The following MTRF1 variants were observed in gnomAD, a reference collection of about 807,000 sequenced individuals.
MTRF1 encodes mitochondrial translation release factor 1.
Under a neutral mutation model 62.9 loss-of-function variants are expected in MTRF1, and 51 were observed. That is an observed-to-expected ratio of 0.81 (90% CI 0.65 to 1.02). The LOEUF is 1.02. Among genes scored for constraint, MTRF1 ranks in the 50% least tolerant of loss-of-function variants. The pLI is 0.00. For missense variants in MTRF1, 446 were observed against 530.0 expected (o/e 0.84, Z 1.56); for synonymous variants, 158 against 181.9 (o/e 0.87, Z 1.06).
chr13:41,308,706 C>A, the MTRF1 span, among the ~76,000 whole-genome samples: 2 of 152,174 alleles, frequency 1.3e-5, no homozygotes, highest in Non-Finnish European at 2.9e-5. Flanking sequence ...CTTGAACCCC[C>A]ACTTTTATTT....
At chr13:41,238,595 A>C (rs371182197) in intron 6 of MTRF1, among the ~76,000 whole-genome samples, 1 of 152,224 alleles carries the variant, frequency 6.6e-6, no homozygotes, top group East Asian at 1.9e-4. Flanking sequence ...AAAGTAAAGA[A>C]CTGATTCAGG....
the MTRF1 span, among the ~76,000 whole-genome samples, chr13:41,270,972 C>T: frequency 1.3e-5 from 2 of 152,062 alleles, no homozygotes; most frequent in South Asian, 4.2e-4. Context: ...CTCCTGACCT[C>T]AGGTCATCCA....
the MTRF1 span, among the ~76,000 whole-genome samples, chr13:41,309,745 C>T: frequency 4.0e-3 from 612 of 152,182 alleles, 6 homozygotes; most frequent in African/African-American, 0.014. Context: ...ACCTGTAATC[C>T]CAGCACTTTG....
At chr13:41,285,787 A>G in the MTRF1 span, among the ~76,000 whole-genome samples, 15 of 152,060 alleles carry the variant, frequency 9.9e-5, no homozygotes. Flanking sequence ...CTCCAGCCCA[A>G]TGGGAAAACT....
the MTRF1 span, among the ~76,000 whole-genome samples, chr13:41,297,017 A>T: frequency 7.2e-5 from 11 of 152,112 alleles, no homozygotes; most frequent in Non-Finnish European, 1.0e-4. Context: ...ACTAACAAGT[A>T]CTCTTAAACA....
At chr13:41,240,141 C>T (rs9566727) in intron 6 of MTRF1, 120 bp downstream of exon 6, 619,213 of 983,898 alleles carry the variant, frequency 0.63, 196,867 homozygotes, top group Admixed American at 0.66. Context: ...CCAACCTGGG[C>T]GACAGAGCGA....
chr13:41,221,757 T>C (rs924927538), intron 9 of MTRF1, among the ~76,000 whole-genome samples: 1 of 152,220 alleles, frequency 6.6e-6, no homozygotes, highest in Non-Finnish European at 1.5e-5. Context: ...TACTATACTA[T>C]GCACCTATGG....
At chr13:41,311,582 G>C in the MTRF1 span, 2 of 1,606,982 alleles carry the variant, frequency 1.2e-6, no homozygotes, top group Non-Finnish European at 1.7e-6. Context: ...AACGCATCTT[G>C]GTGAGTGGCC....
chr13:41,291,197 A>T, the MTRF1 span, among the ~76,000 whole-genome samples: 1 of 151,944 alleles, frequency 6.6e-6, no homozygotes, highest in Admixed American at 6.6e-5. Flanking sequence ...CTTTTCTTTG[A>T]GATAGGGTCT....
chr13:41,269,638 T>C, the MTRF1 span, among the ~76,000 whole-genome samples: 1 of 152,076 alleles, frequency 6.6e-6, no homozygotes, highest in Non-Finnish European at 1.5e-5. Context: ...AATAACAAAA[T>C]ATCTATTATT....
chr13:41,247,456 C>T (rs916956703), intron 5 of MTRF1, among the ~76,000 whole-genome samples: 15 of 152,184 alleles, frequency 9.9e-5, no homozygotes, highest in African/African-American at 3.1e-4. Context: ...CTGATGAAAC[C>T]ACATCTGGTA....
At chr13:41,235,092 ATTT>A (rs58626397) in intron 6 of MTRF1, 19 of 142,718 alleles carry the variant, frequency 1.3e-4, no homozygotes, top group East Asian at 2.0e-4. Context: ...AATTTAGCTA[ATTT>A]TTTTTTTTTT....
chr13:41,288,459 C>T, the MTRF1 span: 1 of 165,730 alleles, frequency 6.0e-6, no homozygotes, highest in Non-Finnish European at 1.3e-5. Flanking sequence ...CCACCTCACC[C>T]TTAGCCCAAA....
upstream of MTRF1, among the ~76,000 whole-genome samples, chr13:41,264,030 G>A (rs1422000059): frequency 6.6e-6 from 1 of 152,150 alleles, no homozygotes; most frequent in African/African-American, 2.4e-5. Context: ...CACATTGCAT[G>A]TGAAATTACA....
chr13:41,289,238 T>TA, the MTRF1 span, among the ~76,000 whole-genome samples: 2 of 150,460 alleles, frequency 1.3e-5, no homozygotes, highest in South Asian at 4.2e-4. Flanking sequence ...TTAAATTTTT[T>TA]TTTTTTTTTT....
chr13:41,295,429 C>T, the MTRF1 span, among the ~76,000 whole-genome samples: 1 of 152,194 alleles, frequency 6.6e-6, no homozygotes, highest in African/African-American at 2.4e-5. Flanking sequence ...CCTGGACAAA[C>T]TCTTCCTCTG....
intron 8 of MTRF1, among the ~76,000 whole-genome samples, chr13:41,225,217 A>AAG: frequency 6.6e-6 from 1 of 151,752 alleles, no homozygotes; most frequent in African/African-American, 2.4e-5. Flanking sequence ...CTCAAAAAAA[A>AAG]AAAAAAAAAA....
chr13:41,302,535 A>C, the MTRF1 span, among the ~76,000 whole-genome samples: 1 of 149,674 alleles, frequency 6.7e-6, no homozygotes. Context: ...TTTTTTTTTA[A>C]ATTTTTTTTT....
At chr13:41,265,842 TTTTG>T (rs1008442456), upstream of MTRF1, among the ~76,000 whole-genome samples, 4 of 151,856 alleles carry the variant, frequency 2.6e-5, no homozygotes, top group Non-Finnish European at 4.4e-5. Context: ...GCTGGTGGTT[TTTTG>T]TTTTTTTGTT....
Sources: gnomAD v4.1 joint callset for allele counts (sites outside exome capture counted in the v4.1 genomes callset) on GRCh38, gnomAD v4.1.1 for gene constraint, MANE v1.5 for transcripts, NCBI Gene and HGNC (gene_info 2026-07-23, HGNC 2026-07-21) for gene names.